Variants in WDFY4 observed in about 807,000 individuals in gnomAD.
WDFY4 encodes the protein WD repeat- and FYVE domain-containing protein 4.
Under a neutral mutation model 351.9 loss-of-function variants are expected in WDFY4, and 169 were observed. The ratio of observed to expected loss-of-function variants is 0.48; its 90% CI spans 0.42 to 0.55. WDFY4 has a LOEUF of 0.55. Ranked by LOEUF, WDFY4 falls within the 20% of genes least tolerant of loss-of-function variation. The pLI is 0.00. For missense variants in WDFY4, 3,803 were observed against 3,935.6 expected (o/e 0.97, Z 0.90); for synonymous variants, 1,622 against 1,574.6 (o/e 1.03, Z -0.71).
intron 2 of WDFY4, among the ~76,000 whole-genome samples, chr10:48,718,548 C>T (rs938069825): frequency 6.6e-6 from 1 of 152,226 alleles, no homozygotes; most frequent in African/African-American, 2.4e-5. Flanking sequence ...AGCGGGGCAG[C>T]AAAACTGCCT....
At chr10:48,955,713 T>C (rs1489005564) in intron 51 of WDFY4, among the ~76,000 whole-genome samples, 2 of 152,220 alleles carry the variant, frequency 1.3e-5, no homozygotes, top group Non-Finnish European at 2.9e-5. Context: ...CATCTGAGCA[T>C]GGACCAGACA....
At chr10:48,838,740 T>A (rs924134778) in intron 39 of WDFY4, among the ~76,000 whole-genome samples, 4 of 152,230 alleles carry the variant, frequency 2.6e-5, no homozygotes, top group Non-Finnish European at 4.4e-5. Context: ...TGAAGCAACA[T>A]CCCAGACATC....
At chr10:48,931,334 T>A (rs1839990960) in intron 47 of WDFY4, among the ~76,000 whole-genome samples, 1 of 152,136 alleles carries the variant, frequency 6.6e-6, no homozygotes, top group Non-Finnish European at 1.5e-5. Context: ...CTTTATGCTG[T>A]CCCAGAGTGG....
intron 39 of WDFY4, among the ~76,000 whole-genome samples, chr10:48,844,593 G>GA (rs1487320779): frequency 2.0e-5 from 3 of 151,278 alleles, no homozygotes; most frequent in Non-Finnish European, 4.4e-5. Flanking sequence ...ACTCCTTCTC[G>GA]AACAAAAAAG....
chr10:48,720,311 G>A (rs2064038691), intron 3 of WDFY4, among the ~76,000 whole-genome samples, 186 bp downstream of exon 3: 1 of 152,118 alleles, frequency 6.6e-6, no homozygotes, highest in Admixed American at 6.5e-5. Context: ...GAGGGAAGAG[G>A]GGTCGGGGAG....
At chr10:48,787,956 T>C (rs868482200) in intron 20 of WDFY4, among the ~76,000 whole-genome samples, 110 of 107,942 alleles carry the variant, frequency 1.0e-3, no homozygotes, top group Middle Eastern at 4.1e-3. Context: ...TTCTTCTTCT[T>C]CTTCTTCTTC....
chr10:48,754,721 G>A (rs2065282566), intron 12 of WDFY4, among the ~76,000 whole-genome samples: 1 of 152,174 alleles, frequency 6.6e-6, no homozygotes, highest in African/African-American at 2.4e-5. Context: ...TATCCAGAGT[G>A]CCTGAATAGT....
chr10:48,891,359 G>A (rs2070687688), intron 44 of WDFY4, among the ~76,000 whole-genome samples: 1 of 152,226 alleles, frequency 6.6e-6, no homozygotes, highest in South Asian at 2.1e-4. Context: ...AGGATCAAGT[G>A]CAGTTGGTCT....
At chr10:48,736,589 A>G (rs2064675832) in intron 11 of WDFY4, among the ~76,000 whole-genome samples, 1 of 152,236 alleles carries the variant, frequency 6.6e-6, no homozygotes. Context: ...ATGAGCATTT[A>G]TTGAGCATCT....
intron 8 of WDFY4, 73 bp from the exon 9 acceptor site, chr10:48,731,037 G>T: frequency 7.1e-7 from 1 of 1,414,270 alleles, no homozygotes; most frequent in Non-Finnish European, 9.4e-7. Context: ...TGCCCTCTTA[G>T]TAATGAAAAC....
At chr10:48,890,788 C>T (rs2070663737) in intron 44 of WDFY4, 61 bp downstream of exon 44, 1 of 1,542,612 alleles carries the variant, frequency 6.5e-7, no homozygotes, top group East Asian at 2.5e-5. Flanking sequence ...TTACCAGCCG[C>T]CCCCACTATT....
At chr10:48,755,014 G>A (rs1438936068) in intron 12 of WDFY4, among the ~76,000 whole-genome samples, 3 of 152,004 alleles carry the variant, frequency 2.0e-5, no homozygotes, top group Non-Finnish European at 4.4e-5. Context: ...AGAGTCACAC[G>A]ACTACCACCA....
chr10:48,916,431 A>G (rs1358342687), intron 47 of WDFY4, among the ~76,000 whole-genome samples: 1 of 152,184 alleles, frequency 6.6e-6, no homozygotes, highest in East Asian at 1.9e-4. Context: ...GCCACCCTGT[A>G]TCCCTGGAGT....
intron 47 of WDFY4, among the ~76,000 whole-genome samples, chr10:48,918,748 AGG>A (rs34001978): frequency 4.6e-5 from 7 of 152,040 alleles, no homozygotes; most frequent in African/African-American, 7.3e-5. Flanking sequence ...TGTTGTCAGC[AGG>A]GGGTAGGATG....
intron 47 of WDFY4, chr10:48,910,015 C>T: frequency 2.4e-5 from 13 of 531,022 alleles, no homozygotes; most frequent in South Asian, 6.0e-5. Flanking sequence ...TTTTAAAAAC[C>T]ACATCAAATA....
chr10:48,771,177 T>C (rs558402156), intron 13 of WDFY4, among the ~76,000 whole-genome samples: 5 of 152,246 alleles, frequency 3.3e-5, no homozygotes, highest in African/African-American at 4.8e-5. Flanking sequence ...AAATTGTTGA[T>C]GAACAGTGTA....
At chr10:48,755,778 T>C (rs1346292351) in intron 12 of WDFY4, among the ~76,000 whole-genome samples, 1 of 152,158 alleles carries the variant, frequency 6.6e-6, no homozygotes, top group Non-Finnish European at 1.5e-5. Flanking sequence ...AAATGCAAGC[T>C]CTCCAAAGAT....
intron 39 of WDFY4, among the ~76,000 whole-genome samples, chr10:48,854,221 A>G (rs1002649844): frequency 1.3e-5 from 2 of 150,452 alleles, no homozygotes; most frequent in Non-Finnish European, 2.9e-5. Flanking sequence ...CCACCCTCCT[A>G]CCTAAGTCTC....
At chr10:48,736,105 T>C (rs1186477811) in intron 11 of WDFY4, 35 bp downstream of exon 11, 1 of 1,550,636 alleles carries the variant, frequency 6.4e-7, no homozygotes, top group Admixed American at 2.0e-5. Context: ...TTGGCTTCCC[T>C]GTGGATATGC....
Sources: allele counts gnomAD v4.1 joint callset (sites outside exome capture counted in the v4.1 genomes callset), GRCh38; gene constraint gnomAD v4.1.1; transcripts MANE v1.5; gene names NCBI Gene and HGNC (gene_info 2026-07-23, HGNC 2026-07-21).